LOXL2: variants seen among roughly 807,000 people sequenced by gnomAD.
LOXL2 encodes lysyl oxidase like 2.
Under a neutral mutation model 93.0 loss-of-function variants are expected in LOXL2, and 70 were observed. The ratio of observed to expected loss-of-function variants is 0.75; its 90% CI spans 0.62 to 0.92. LOXL2 has a LOEUF of 0.92. Ranked by LOEUF, LOXL2 falls within the 40% of genes least tolerant of loss-of-function variation. The pLI is 0.00. For missense variants in LOXL2, 973 were observed against 1,054.9 expected (o/e 0.92, Z 1.08); for synonymous variants, 438 against 413.2 (o/e 1.06, Z -0.73).
At chr8:23,298,711 T>C (rs999571915) in intron 13 of LOXL2, 125 bp downstream of exon 13, 3 of 636,362 alleles carry the variant, frequency 4.7e-6, no homozygotes, top group Non-Finnish European at 2.9e-6. Flanking sequence ...CTGTCCTGAA[T>C]GTGGAAATGT....
chr8:23,355,957 G>C (rs181987791), intron 3 of LOXL2, among the ~76,000 whole-genome samples: 9 of 152,130 alleles, frequency 5.9e-5, no homozygotes. Flanking sequence ...CCTAAAGTCT[G>C]CACTCTGTGA....
intron 5 of LOXL2, among the ~76,000 whole-genome samples, chr8:23,332,166 TCA>T (rs1483095070): frequency 1.4e-5 from 2 of 145,772 alleles, no homozygotes; most frequent in Non-Finnish European, 3.0e-5. Flanking sequence ...ACACACACAC[TCA>T]CACTCTCTCA....
Position 23,384,789 on chromosome 8 carries a change from C to T in LOXL2, c.-83-16355G>A, listed in dbSNP as rs553664199. Among the ~76,000 whole-genome samples, 94 of 152,274 alleles carry T rather than the reference C, an allele frequency of 6.2e-4. 3 individuals carry two copies. Among genetic ancestry groups the T allele is most frequent in the South Asian group, 2.5e-3 (12 of 4,826 alleles). ...ATTAGCCGGGCATGGTGGCAGGTGC[C>T]TGTAATCCCAGCTACTTGGGAGGCT... On this transcript the variant is annotated intron_variant, in intron 1 of 13. Transcript: ENST00000389131.
At chr8:23,379,590 C>A (rs376934686) in intron 1 of LOXL2, among the ~76,000 whole-genome samples, 1 of 152,096 alleles carries the variant, frequency 6.6e-6, no homozygotes. Flanking sequence ...GCACCCAGTT[C>A]GAGCTTCCCA....
chr8:23,316,795 A>G (rs1029770346), intron 9 of LOXL2, 154 bp downstream of exon 9: 6 of 733,582 alleles, frequency 8.2e-6, no homozygotes, highest in Non-Finnish European at 1.3e-5. Context: ...GGTGGCGGTC[A>G]TCTCTCTTGC....
chr8:23,353,572 T>C (rs1287867562), intron 3 of LOXL2, among the ~76,000 whole-genome samples: 2 of 151,998 alleles, frequency 1.3e-5, no homozygotes, highest in Admixed American at 1.3e-4. Context: ...ACTGAGAATA[T>C]ACAATAAGAT....
chr8:23,348,372 T>C (rs1804028657), intron 3 of LOXL2, among the ~76,000 whole-genome samples: 1 of 152,050 alleles, frequency 6.6e-6, no homozygotes, highest in Middle Eastern at 3.4e-3. Flanking sequence ...GGCCTGCACA[T>C]TGTGCACACG....
intron 5 of LOXL2, chr8:23,328,865 C>T (rs1207910901): frequency 6.0e-6 from 2 of 335,208 alleles, no homozygotes; most frequent in Admixed American, 4.5e-5. Flanking sequence ...TGGGGACCGT[C>T]GATCACTCAT....
At position 23,297,723 on chromosome 8, in the gene LOXL2, T is replaced by C; in HGVS notation, c.*320A>G. On this transcript the variant is annotated 3_prime_UTR_variant, in exon 14 of 14. Coordinates refer to ENST00000389131, the MANE Select transcript of LOXL2 (RefSeq NM_002318.3). ...CTGTGTCTGTGGTGAGCTCGGTGGC[T>C]TGAATGGGACAAGCTGATGACAACC... 1 of 207,722 alleles carries C rather than the reference T, an allele frequency of 4.8e-6. No individual in the cohort carries two copies. Among genetic ancestry groups the C allele is most frequent in the South Asian group, 1.4e-4 (1 of 7,314 alleles). The allele number at this position is 207,722 out of a possible 1,614,324, so 12.9% of individuals were successfully genotyped here. A position where few individuals can be genotyped will look rare whatever the true frequency, so the allele number is the denominator to read the frequency against.
intron 1 of LOXL2, among the ~76,000 whole-genome samples, chr8:23,374,519 C>T (rs1167711474): frequency 4.6e-5 from 7 of 152,198 alleles, no homozygotes; most frequent in Non-Finnish European, 8.8e-5. Flanking sequence ...CTTGAGGAAT[C>T]GCCACACTGT....
At chr8:23,372,089 G>GA (rs1804504807) in intron 1 of LOXL2, among the ~76,000 whole-genome samples, 1 of 151,846 alleles carries the variant, frequency 6.6e-6, no homozygotes, top group South Asian at 2.1e-4. Flanking sequence ...GTTACAAATA[G>GA]AAAAAATATT....
intron 3 of LOXL2, among the ~76,000 whole-genome samples, chr8:23,350,502 G>A (rs59975747): frequency 3.3e-5 from 5 of 151,760 alleles, no homozygotes; most frequent in African/African-American, 9.7e-5. Flanking sequence ...CCCAGGAGGC[G>A]GAGGTTGCAG....
chr8:23,339,176 C>T (rs1347256448), intron 4 of LOXL2, among the ~76,000 whole-genome samples: 1 of 152,144 alleles, frequency 6.6e-6, no homozygotes, highest in African/African-American at 2.4e-5. Flanking sequence ...GAGACGAACA[C>T]AAAATGACAG....
chr8:23,323,093 G>A (rs1803522536), intron 6 of LOXL2, among the ~76,000 whole-genome samples: 1 of 152,214 alleles, frequency 6.6e-6, no homozygotes, highest in African/African-American at 2.4e-5. Context: ...TATCAGGCAG[G>A]AGCCAAGTTT....
chr8:23,369,375 CGT>C (rs1197025425), intron 1 of LOXL2, among the ~76,000 whole-genome samples: 5 of 152,134 alleles, frequency 3.3e-5, no homozygotes, highest in Admixed American at 3.3e-4. Context: ...AAGGAGCACA[CGT>C]GTGTCTTGTG....
intron 4 of LOXL2, chr8:23,337,231 G>A (rs749873130): frequency 6.6e-6 from 1 of 152,458 alleles, no homozygotes; most frequent in Non-Finnish European, 1.5e-5. Flanking sequence ...CTTGCCTTTG[G>A]TAGTACTACA....
chr8:23,301,848 C>T (rs1268940820), intron 12 of LOXL2, among the ~76,000 whole-genome samples, 179 bp downstream of exon 12: 4 of 152,186 alleles, frequency 2.6e-5, no homozygotes, highest in Admixed American at 6.5e-5. Context: ...ATTTCTCAGG[C>T]CCCCATGCCT....
At chr8:23,303,443 T>G in intron 10 of LOXL2, 46 bp from the exon 11 acceptor site, 2 of 1,149,170 alleles carry the variant, frequency 1.7e-6, no homozygotes, top group Non-Finnish European at 2.6e-6. Context: ...CTGGAGCAAC[T>G]GCTGCTTGCA....
chr8:23,340,835 T>C (rs1354141085), intron 4 of LOXL2, among the ~76,000 whole-genome samples, 157 bp downstream of exon 4: 3 of 152,130 alleles, frequency 2.0e-5, no homozygotes, highest in South Asian at 2.1e-4. Flanking sequence ...ACTTGGCGCC[T>C]GGCCCGGCCC....
Sources: gnomAD v4.1 joint callset for allele counts (sites outside exome capture counted in the v4.1 genomes callset) on GRCh38, gnomAD v4.1.1 for gene constraint, MANE v1.5 for transcripts, NCBI Gene and HGNC (gene_info 2026-07-23, HGNC 2026-07-21) for gene names.